Variants in ATP8A2 observed in about 807,000 individuals in gnomAD.
The protein encoded by ATP8A2 is ATPase phospholipid transporting 8A2, also known as phospholipid-transporting ATPase IB.
In ATP8A2, 100 loss-of-function variants were observed where a neutral mutation model predicts 165.6. The ratio of observed to expected loss-of-function variants is 0.60; its 90% confidence interval spans 0.51 to 0.71. The LOEUF (loss-of-function observed/expected upper bound fraction) is 0.71. Among genes scored for constraint, ATP8A2 ranks in the 30% least tolerant of loss-of-function variants. The pLI, the probability that ATP8A2 is intolerant of heterozygous loss-of-function variation, is 0.00. For synonymous variants in ATP8A2, 543 were observed against 548.8 expected (o/e 0.99, Z 0.15); for missense variants, 1,227 against 1,479.5 (o/e 0.83, Z 2.80).
At chr13:25,937,366 T>TTTC (rs1954930991) in intron 33 of ATP8A2, among the ~76,000 whole-genome samples, 1 of 4,686 alleles carries the variant, frequency 2.1e-4, no homozygotes, top group African/African-American at 6.2e-4. Context: ...TTCTTTCTTT[T>TTTC]TTTTTTTTTT....
intron 24 of ATP8A2, among the ~76,000 whole-genome samples, chr13:25,643,849 G>A (rs2041601461): frequency 6.6e-6 from 1 of 151,552 alleles, no homozygotes; most frequent in Non-Finnish European, 1.5e-5. Context: ...GCCTTGTGTA[G>A]CATGGACAAT....
Position 26,024,185 on chromosome 13 carries a change from G to A in ATP8A2, c.*4200G>A, listed in dbSNP as rs563075192. The A allele has an allele frequency of 8.5e-5, 13 of 152,256 alleles. No homozygotes were observed. Among genetic ancestry groups the A allele is most frequent in the East Asian group, 5.8e-4 (3 of 5,182 alleles). The allele number at this position is 152,256 out of a possible 1,614,324, so 9.4% of individuals were successfully genotyped here. A position where few individuals can be genotyped will look rare whatever the true frequency, so the allele number is the denominator to read the frequency against. ...ATTCTAGCCATTTTTCCATCCTGAA[G>A]GCCAAGAAGGACTATTAGAAGGGTT... On this transcript the variant is annotated 3_prime_UTR_variant, in exon 37 of 37. Transcript: ENST00000381655.
At chr13:25,455,142 C>T (rs938008675) in intron 1 of ATP8A2, among the ~76,000 whole-genome samples, 1 of 152,176 alleles carries the variant, frequency 6.6e-6, no homozygotes, top group African/African-American at 2.4e-5. Context: ...GCTTCTCCCC[C>T]TCACTGTGCC....
chr13:25,733,770 G>T (rs1017553439), intron 25 of ATP8A2, among the ~76,000 whole-genome samples: 4 of 152,160 alleles, frequency 2.6e-5, no homozygotes, highest in African/African-American at 9.7e-5. Flanking sequence ...AGTATCTTGA[G>T]AATTCATCAG....
intron 25 of ATP8A2, among the ~76,000 whole-genome samples, chr13:25,764,786 T>C (rs1368214333): frequency 1.3e-5 from 2 of 152,240 alleles, no homozygotes; most frequent in Non-Finnish European, 2.9e-5. Flanking sequence ...TTAATTAATA[T>C]GTGTTTTGGG....
rs184551369 is a variant in ATP8A2 at position 25,585,389 on chromosome 13, G to A, written c.2146+3432G>A. ...AATAGATGTGGAGTTTTCGCAGTCT[G>A]TAATTTTTTTTAATGGATGTAGGAT... is the stretch of plus-strand genomic sequence containing the variant. On this transcript the variant is annotated intron_variant, in intron 23 of 36. Transcript: ENST00000381655. Among the ~76,000 whole-genome samples the A allele has an allele frequency of 1.1e-3, 172 of 152,234 alleles. 2 individuals carry two copies. Among genetic ancestry groups the A allele is most frequent in the Admixed American group, 7.6e-3 (117 of 15,298 alleles).
chr13:25,722,761 T>C (rs773059241), intron 25 of ATP8A2, among the ~76,000 whole-genome samples: 13 of 152,206 alleles, frequency 8.5e-5, no homozygotes, highest in Admixed American at 2.0e-4. Context: ...GCTAAGACAC[T>C]CAGTCTTTTC....
chr13:25,674,546 A>G (rs1489476633), intron 24 of ATP8A2, among the ~76,000 whole-genome samples: 3 of 152,144 alleles, frequency 2.0e-5, no homozygotes, highest in Non-Finnish European at 4.4e-5. Context: ...CAAGGGCTGC[A>G]GGGAAGTGGT....
intron 25 of ATP8A2, among the ~76,000 whole-genome samples, chr13:25,721,670 A>G (rs988595974): frequency 3.3e-5 from 5 of 152,030 alleles, no homozygotes; most frequent in Admixed American, 1.3e-4. Flanking sequence ...TGTCCTTCCC[A>G]TTTCTTGTAA....
chr13:25,461,982 T>C (rs1380145529), intron 1 of ATP8A2, among the ~76,000 whole-genome samples: 2 of 152,174 alleles, frequency 1.3e-5, no homozygotes, highest in Non-Finnish European at 2.9e-5. Flanking sequence ...ATTTATGTAA[T>C]CGATTTCTAT....
intron 1 of ATP8A2, among the ~76,000 whole-genome samples, chr13:25,398,755 G>A (rs61560781): frequency 0.051 from 7,748 of 152,238 alleles, 390 homozygotes; most frequent in African/African-American, 0.13. Context: ...AATACAACAT[G>A]ATAAGCTCTG....
intron 35 of ATP8A2, among the ~76,000 whole-genome samples, chr13:25,989,045 G>T (rs556570324): frequency 1.5e-4 from 23 of 152,352 alleles, no homozygotes; most frequent in African/African-American, 5.3e-4. Context: ...CCTGTGCCAA[G>T]CACCTTGAAC....
At chr13:25,565,191 T>C (rs1251078315) in intron 16 of ATP8A2, among the ~76,000 whole-genome samples, 1 of 152,212 alleles carries the variant, frequency 6.6e-6, no homozygotes, top group African/African-American at 2.4e-5. Context: ...CAGTTGTGAA[T>C]TGTACTGCTA....
chr13:25,779,656 A>G (rs990630410), intron 27 of ATP8A2, among the ~76,000 whole-genome samples: 5 of 152,184 alleles, frequency 3.3e-5, no homozygotes, highest in Admixed American at 3.3e-4. Context: ...TGTAGGGCAG[A>G]TGGCAAGCAG....
chr13:25,512,842 T>A (rs2037295254), intron 2 of ATP8A2, among the ~76,000 whole-genome samples: 1 of 114,892 alleles, frequency 8.7e-6, no homozygotes. Context: ...GGCTCCTCAC[T>A]TTCCAGTAGG....
chr13:25,785,435 A>G (rs565292505), intron 27 of ATP8A2, among the ~76,000 whole-genome samples: 2 of 152,268 alleles, frequency 1.3e-5, no homozygotes, highest in East Asian at 3.9e-4. Context: ...TAGAACTTCT[A>G]TTTTGGCTGA....
intron 33 of ATP8A2, among the ~76,000 whole-genome samples, chr13:25,902,442 A>G (rs1953781645): frequency 6.6e-6 from 1 of 152,164 alleles, no homozygotes. Context: ...GAAACCCCAT[A>G]TCTGGTGGGC....
At chr13:25,948,627 A>G (rs900639920) in intron 33 of ATP8A2, among the ~76,000 whole-genome samples, 9 of 152,296 alleles carry the variant, frequency 5.9e-5, no homozygotes, top group African/African-American at 2.2e-4. Flanking sequence ...TGAGCAGATA[A>G]CTAGGGTTAG....
Position 25,750,890 on chromosome 13 carries a change from GTGT to G in ATP8A2, c.2385-18151_2385-18149del, listed in dbSNP as rs1399059253. 2.6e-5 allele frequency among the ~76,000 whole-genome samples: 4 copies of G among 152,158 alleles called. No individual in the cohort carries two copies. Among genetic ancestry groups the G allele is most frequent in the African/African-American group, 9.7e-5 (4 of 41,428 alleles). On this transcript the variant is annotated intron_variant, in intron 25 of 36. Transcript: ENST00000381655. This position sits in a 1 kb window ranked among gnomAD's most constrained non-coding sequence, Gnocchi z 4.3. Reference sequence around the variant, plus strand: ...ATAGCCATGTTTAAAGCCTGAGATTGTGTTGTTCTCTGTCCAGGGTCCAACAGG... The same window carrying G: ...ATAGCCATGTTTAAAGCCTGAGATTGTGTTCTCTGTCCAGGGTCCAACAGG...
Sources: gnomAD v4.1 joint callset for allele counts (sites outside exome capture counted in the v4.1 genomes callset) on GRCh38, gnomAD v4.1.1 for gene constraint, Gnocchi (gnomAD v3.1) non-coding constraint, MANE v1.5 for transcripts, NCBI Gene and HGNC (gene_info 2026-07-23, HGNC 2026-07-21) for gene names.